The following VPS9D1 variants were observed in gnomAD, a reference collection of about 807,000 sequenced individuals.
VPS9D1 encodes VPS9 domain-containing protein 1.
In VPS9D1, 78 loss-of-function variants were observed where a neutral mutation model predicts 75.8. That is an observed-to-expected ratio of 1.03 (90% confidence interval 0.86 to 1.24). The LOEUF (loss-of-function observed/expected upper bound fraction) is 1.24, where lower values mean the gene tolerates loss of function less well. VPS9D1 is among the 50% of genes most tolerant of loss of function. The probability of loss-of-function intolerance (pLI) is 0.00; values close to 1 mark genes in which losing one functional copy is unlikely to be tolerated. For synonymous variants in VPS9D1, 481 were observed against 385.6 expected, an observed-to-expected ratio of 1.25 and a Z score of -2.90; for missense variants, 1,057 against 847.7, an observed-to-expected ratio of 1.25 and a Z score of -3.07.
At chr16:89,720,431 G>C in intron 1 of VPS9D1, 3 of 1,038,960 alleles carry the variant, frequency 2.9e-6, no homozygotes, top group Non-Finnish European at 3.5e-6. Context: ...AAAAATGCAC[G>C]AACGCACGGA....
chr16:89,708,518 G>C lies in VPS9D1; in HGVS notation c.1711C>G (p.Leu571Val). Residue 571 changes from leucine to valine, a missense_variant, in exon 14 of 15, where the codon CTG becomes GTG. Physicochemically the swap from Leu to Val is conservative, Grantham distance 32. Coordinates refer to ENST00000389386, the MANE Select transcript of VPS9D1 (RefSeq NM_004913.3). ...IAAAAIGADDLLPILSFVVLR... is the reference protein window; with the variant it reads ...IAAAAIGADDVLPILSFVVLR... ...ACCACGAAGGACAGGATGGGCAGCAGGTCATCGGCACCACTGTCGGGAGGG... is the reference window on the plus strand; with the variant it reads ...ACCACGAAGGACAGGATGGGCAGCACGTCATCGGCACCACTGTCGGGAGGG... The C allele has an allele frequency of 5.6e-6, 9 of 1,613,030 alleles. No individual in the cohort carries two copies. Among genetic ancestry groups the C allele is most frequent in the Non-Finnish European group, 7.6e-6 (9 of 1,179,854 alleles).
intron 13 of VPS9D1, 133 bp downstream of exon 13, chr16:89,708,724 C>T (rs2060845501): frequency 8.7e-7 from 1 of 1,149,956 alleles, no homozygotes; most frequent in East Asian, 2.6e-5. Context: ...AGGGCTGGGC[C>T]CACACGGCCC....
At chr16:89,719,554 A>G (rs1367235982) in intron 1 of VPS9D1, among the ~76,000 whole-genome samples, 1 of 152,228 alleles carries the variant, frequency 6.6e-6, no homozygotes, top group Non-Finnish European at 1.5e-5. Flanking sequence ...AAAGGGAGTG[A>G]TACTGGAAGT....
In VPS9D1 at chr16:89,719,041, A is replaced by T; in HGVS notation, c.161T>A (p.Val54Glu). The change falls in exon 2 of 15, where the codon GTG becomes GAG. Residue 54 changes from valine to glutamate, a missense_variant. Val to Glu is a moderately radical substitution (Grantham distance 121). Transcript: ENST00000389386. ...CTGAGCCGTACCTTTAGTGGTTTCC[A>T]CTTCTTCTAGTAACACCTGGGAGAT... is the stretch of plus-strand genomic sequence containing the variant. ...HYISQVLLEEVETTKEAGETV... is the reference protein window; with the variant it reads ...HYISQVLLEEEETTKEAGETV... 1 of 1,613,264 alleles carries T rather than the reference A, an allele frequency of 6.2e-7. No homozygotes were observed. Among genetic ancestry groups the T allele is most frequent in the Non-Finnish European group, 8.5e-7 (1 of 1,179,804 alleles).
In VPS9D1 at chr16:89,716,509, G is replaced by C; in HGVS notation, c.384C>G (p.Pro128=). Residue 128 remains proline, a synonymous_variant, in exon 4 of 15, where the codon CCC becomes CCG. Transcript: ENST00000389386. ...EGGKLSPFLP[P]EIFQKLQGAE... is the part of the protein sequence containing the mutation. ...CCCCCTGAAGCTTCTGGAAGATCTC[G>C]GGTGGCAGAAAAGGAGAGAGCTTTC... 2 of 1,614,060 alleles carry C rather than the reference G, an allele frequency of 1.2e-6. No homozygotes were observed. Among genetic ancestry groups the C allele is most frequent in the Non-Finnish European group, 1.7e-6 (2 of 1,180,010 alleles).
At chr16:89,712,374 T>C in intron 6 of VPS9D1, 86 bp downstream of exon 6, 1 of 1,577,758 alleles carries the variant, frequency 6.3e-7, no homozygotes, top group Non-Finnish European at 8.6e-7. Context: ...GAACCTCCGC[T>C]CCCCTCGCTG....
intron 2 of VPS9D1, among the ~76,000 whole-genome samples, chr16:89,718,735 A>T (rs1224434279): frequency 7.0e-6 from 1 of 143,256 alleles, no homozygotes; most frequent in African/African-American, 2.6e-5. Flanking sequence ...TTTTTTTTTG[A>T]GACGGAGTTT....
Position 89,719,080 on chromosome 16 carries a change from C to T in VPS9D1, c.122G>A (p.Arg41Lys), listed in dbSNP as rs774704283. ...RPREAYTEYLRSIHYISQVLL... is the reference protein window; with the variant it reads ...RPREAYTEYLKSIHYISQVLL... ...CACCTGGGAGATATAGTGGATGCTC[C>T]TCAGGTATTCCGTGTATGCCTCCTG... The change falls in exon 2 of 15, where the codon AGG becomes AAG. Residue 41 changes from arginine (R) to lysine (K), a missense_variant. Arg to Lys is a conservative substitution (Grantham distance 26). Coordinates refer to ENST00000389386, the MANE Select transcript of VPS9D1 (RefSeq NM_004913.3). 3.7e-6 allele frequency: 6 copies of T among 1,613,624 alleles called. No individual in the cohort carries two copies. The Admixed American group carries it at 1.0e-4, about 27-fold the overall frequency.
intron 2 of VPS9D1, chr16:89,718,251 G>A (rs1227756453): frequency 1.4e-5 from 5 of 367,302 alleles, no homozygotes; most frequent in East Asian, 7.4e-5. Context: ...CCCCGAGGCC[G>A]TTTACTGCTC....
intron 2 of VPS9D1, 196 bp from the exon 3 acceptor site, chr16:89,717,018 C>T (rs71374192): frequency 0.016 from 6,457 of 411,412 alleles, 136 homozygotes; most frequent in South Asian, 0.064. Flanking sequence ...CCCCTCACCC[C>T]GGGTAAGCCC....
rs750356608 is a variant in VPS9D1, at chr16:89,716,846, G to T, written c.176-24C>A. On this transcript the variant is annotated intron_variant, in intron 2 of 14. Transcript: ENST00000389386. ...TTCTGGGGGAGGGACAAGAAGGCTG[G>T]TCACAGTCGGCTCTACCACTGTTAC... The T allele has an allele frequency of 1.2e-5, 19 of 1,571,510 alleles. No homozygotes were observed. In the South Asian group the frequency reaches 2.1e-4, roughly 17 times the overall value.
At chr16:89,711,150 C>A (rs1567544327) in intron 9 of VPS9D1, 140 bp from the exon 10 acceptor site, 1 of 1,203,466 alleles carries the variant, frequency 8.3e-7, no homozygotes, top group South Asian at 1.6e-5. Context: ...CCCCCCGCCC[C>A]CGCTGGGGAG....
chr16:89,711,483 A>G lies in VPS9D1; in HGVS notation c.748-71T>C, dbSNP rs1289462482. ...GACCGGACGCGCCTCATCTCCCACC[A>G]GTGCCGACCCCTAGAGACTGTGGGA... is the stretch of plus-strand genomic sequence containing the variant. On this transcript the variant is annotated intron_variant, in intron 8 of 14. Transcript: ENST00000389386. 3.5e-6 allele frequency: 5 copies of G among 1,429,910 alleles called. No individual in the cohort carries two copies. The African/African-American group carries it at 7.1e-5, about 20-fold the overall frequency. The allele number at this position is 1,429,910 out of a possible 1,614,324, so 88.6% of individuals were successfully genotyped here.
Position 89,710,669 on chromosome 16 carries a change from C to A in VPS9D1, c.1175G>T (p.Arg392Leu). 6.2e-7 allele frequency: 1 copy of A among 1,612,002 alleles called. No homozygotes were observed. The highest frequency in any genetic ancestry group is 1.1e-5 in the South Asian group (1 of 90,908). The change falls in exon 10 of 15, where the codon CGG (arginine) becomes CTG (leucine). Residue 392 changes from arginine (R) to leucine (L), a missense_variant. Coordinates refer to ENST00000389386, the MANE Select transcript of VPS9D1 (RefSeq NM_004913.3). ...CTGTACCCCACGGCCCCGGCCCTGC[C>A]GCTCAGACGTCCCCAGGAACTGCTC... ...DLEQFLGTSE[R>L]QGRGRGVQPE... is the part of the protein sequence containing the mutation.
At chr16:89,711,563 GC>G in intron 8 of VPS9D1, 151 bp from the exon 9 acceptor site, 1 of 306,960 alleles carries the variant, frequency 3.3e-6, no homozygotes, top group Non-Finnish European at 5.3e-6. Context: ...ACCCGCCCCC[GC>G]CCCCACCCAC....
In VPS9D1 at chr16:89,708,429, C is replaced by T. The variant is rs762605380; in HGVS notation, c.1800G>A (p.Glu600=). 1.2e-5 allele frequency: 19 copies of T among 1,610,982 alleles called. No homozygotes were observed. Among genetic ancestry groups the T allele is most frequent in the Admixed American group, 1.7e-5 (1 of 59,712 alleles). Residue 600 remains glutamate (E), a splice_region_variant and synonymous_variant, in exon 14 of 15, where the codon GAG becomes GAA. Transcript: ENST00000389386. ...CACCCTGACCCGCCAGGGTCTACCC[C>T]TCGTGGATGAACTCCTCCAGGGCCG... is the stretch of plus-strand genomic sequence containing the variant. The part of the protein sequence containing the change: ...ECAALEEFIH[E]GYLIGEEGYC...
At chr16:89,717,224 T>G in intron 2 of VPS9D1, 3 of 256,302 alleles carry the variant, frequency 1.2e-5, no homozygotes, top group South Asian at 3.6e-5. Flanking sequence ...GCATTTCTAA[T>G]CATCTGCCCT....
chr16:89,708,951 T>A lies in VPS9D1; in HGVS notation c.1603A>T (p.Thr535Ser). 3 of 1,600,970 alleles carry A rather than the reference T, an allele frequency of 1.9e-6. No individual in the cohort carries two copies. The highest frequency in any genetic ancestry group is 2.6e-6 in the Non-Finnish European group (3 of 1,175,278). The change falls in exon 13 of 15, where the codon ACC becomes TCC. Residue 535 changes from threonine to serine, a missense_variant. Transcript: ENST00000389386. ...PQKKLECIVRTLRIICVCAED... is the reference protein window; with the variant it reads ...PQKKLECIVRSLRIICVCAED... ...GCACAGACACAGATGATCCGCAGGG[T>A]CCGCACTGCGCCCCAGACAGGGTTT...
chr16:89,718,175 C>A (rs2061135257), intron 2 of VPS9D1: 1 of 411,604 alleles, frequency 2.4e-6, no homozygotes, highest in South Asian at 1.8e-5. Flanking sequence ...CTATTCCTCT[C>A]CTTGCCAGTT....
Sources: allele counts gnomAD v4.1 joint callset (sites outside exome capture counted in the v4.1 genomes callset), GRCh38; gene constraint gnomAD v4.1.1; transcripts MANE v1.5; gene names NCBI Gene and HGNC (gene_info 2026-07-23, HGNC 2026-07-21).